Variants in UGT1A7 observed in about 807,000 individuals in gnomAD.
UGT1A7 encodes UDP glucuronosyltransferase family 1 member A7.
A neutral mutation model predicts 45.6 loss-of-function variants in UGT1A7; 33 were observed. The observed-to-expected ratio is 0.72, with a 90% confidence interval of 0.55 to 0.97. The LOEUF (loss-of-function observed/expected upper bound fraction) is 0.97. Among genes scored for constraint, UGT1A7 ranks in the 50% least tolerant of loss-of-function variants. The pLI is 0.00. For synonymous variants in UGT1A7, 274 were observed against 250.6 expected, an observed-to-expected ratio of 1.09 and a Z score of -0.88; for missense variants, 684 against 666.2, an observed-to-expected ratio of 1.03 and a Z score of -0.29.
rs745603293 is a variant in UGT1A7, at chr2:233,772,357, G to A, written c.1391G>A (p.Arg464Lys). Residue 464 changes from arginine (R) to lysine (K), a missense_variant, in exon 5 of 5, where the codon AGG becomes AAG. Coordinates refer to ENST00000373426, the MANE Select transcript of UGT1A7 (RefSeq NM_019077.3). ...LAVFWVEFVM[R>K]HKGAPHLRPA... The stretch of plus-strand genomic sequence containing the variant: ...GTGTTCTGGGTGGAGTTTGTGATGA[G>A]GCACAAGGGCGCGCCACACCTGCGC... The A allele has an allele frequency of 1.4e-5, 22 of 1,614,268 alleles. No individual in the cohort carries two copies. The highest frequency in any genetic ancestry group is 1.8e-5 in the Non-Finnish European group (21 of 1,180,054).
intron 1 of UGT1A7, among the ~76,000 whole-genome samples, chr2:233,703,968 G>A (rs1458834723): frequency 2.6e-5 from 4 of 151,690 alleles, no homozygotes; most frequent in Non-Finnish European, 2.9e-5. Context: ...TTGGCCCACT[G>A]CAACCTCCGC....
intron 1 of UGT1A7, chr2:233,743,605 G>A (rs376857469): frequency 9.1e-5 from 125 of 1,367,170 alleles, no homozygotes; most frequent in Middle Eastern, 2.1e-4. Context: ...CCTGGCCGCC[G>A]AAGAACTCCC....
At chr2:233,724,165 C>CT (rs1189702988) in intron 1 of UGT1A7, among the ~76,000 whole-genome samples, 2 of 112,674 alleles carry the variant, frequency 1.8e-5, no homozygotes, top group African/African-American at 8.4e-5. Context: ...GGGGGGCTGA[C>CT]CCCCCCATCT....
At chr2:233,692,957 G>A (rs776174489) in intron 1 of UGT1A7, 1 of 1,607,062 alleles carries the variant, frequency 6.2e-7, no homozygotes, top group Non-Finnish European at 8.5e-7. Context: ...CCTGTGATTT[G>A]GAGAGTGAAA....
At chr2:233,726,437 T>C (rs955428993) in intron 1 of UGT1A7, among the ~76,000 whole-genome samples, 7 of 152,238 alleles carry the variant, frequency 4.6e-5, no homozygotes, top group Non-Finnish European at 8.8e-5. Flanking sequence ...CTTAATCTTA[T>C]TCTTTCCACT....
intron 1 of UGT1A7, chr2:233,754,615 C>T (rs1360410521): frequency 2.3e-6 from 1 of 438,040 alleles, no homozygotes; most frequent in Non-Finnish European, 4.6e-6. Context: ...TCTCCATCTT[C>T]CTCCACTTCC....
intron 1 of UGT1A7, among the ~76,000 whole-genome samples, chr2:233,726,632 C>T (rs2077548155): frequency 6.6e-6 from 1 of 152,176 alleles, no homozygotes; most frequent in Admixed American, 6.5e-5. Flanking sequence ...CCAGGACAAT[C>T]TCCCCATCTT....
chr2:233,703,933 C>T (rs954391531), intron 1 of UGT1A7, among the ~76,000 whole-genome samples: 4 of 151,854 alleles, frequency 2.6e-5, no homozygotes, highest in Non-Finnish European at 5.9e-5. Context: ...TTCTGTTACC[C>T]AGACTGGAGT....
chr2:233,751,170 A>T (rs1445268336), intron 1 of UGT1A7, among the ~76,000 whole-genome samples: 1 of 151,986 alleles, frequency 6.6e-6, no homozygotes. Flanking sequence ...CATGACCTAG[A>T]TATGAGACAT....
intron 1 of UGT1A7, among the ~76,000 whole-genome samples, chr2:233,732,478 A>G (rs60103279): frequency 0.034 from 5,126 of 152,332 alleles, 101 homozygotes; most frequent in African/African-American, 0.051. Flanking sequence ...TCTGGAATTA[A>G]TTTTTGTATA....
chr2:233,694,002 A>G, intron 1 of UGT1A7: 1 of 1,487,164 alleles, frequency 6.7e-7, no homozygotes, highest in South Asian at 1.3e-5. Context: ...CCCGGCTCGG[A>G]GCAGCGGGAA....
At chr2:233,759,502 A>G (rs1487597943) in intron 1 of UGT1A7, among the ~76,000 whole-genome samples, 1 of 152,052 alleles carries the variant, frequency 6.6e-6, no homozygotes, top group Non-Finnish European at 1.5e-5. Flanking sequence ...GGTTCACACT[A>G]ATAAAGGCCT....
At chr2:233,726,812 C>T (rs1441076374) in intron 1 of UGT1A7, among the ~76,000 whole-genome samples, 1 of 152,118 alleles carries the variant, frequency 6.6e-6, no homozygotes, top group Non-Finnish European at 1.5e-5. Flanking sequence ...GGAGGTTTTC[C>T]TCTATTCGAC....
chr2:233,748,568 G>A (rs1374135931), intron 1 of UGT1A7, among the ~76,000 whole-genome samples: 1 of 151,846 alleles, frequency 6.6e-6, no homozygotes, highest in South Asian at 2.1e-4. Flanking sequence ...GGAAGTAGAA[G>A]TGTTAAAGAG....
In UGT1A7 at chr2:233,767,158, C is replaced by T; in HGVS notation, c.980C>T (p.Pro327Leu). ...MAIADALGKI[P>L]QTVLWRYTGT... Reference sequence around the variant, plus strand: ...ATTGCTGATGCTTTGGGCAAAATCCCTCAGACAGTAAGAAGATTCTATACC... The same window carrying T: ...ATTGCTGATGCTTTGGGCAAAATCCTTCAGACAGTAAGAAGATTCTATACC... Residue 327 changes from proline to leucine, a missense_variant, in exon 2 of 5, where the codon CCT (proline) becomes CTT (leucine). Transcript: ENST00000373426. The T allele has an allele frequency of 6.2e-7, 1 of 1,614,062 alleles. No individual in the cohort carries two copies. Among genetic ancestry groups the T allele is most frequent in the Non-Finnish European group, 8.5e-7 (1 of 1,179,998 alleles).
chr2:233,752,759 A>G (rs942722882), intron 1 of UGT1A7, among the ~76,000 whole-genome samples: 3 of 152,242 alleles, frequency 2.0e-5, no homozygotes, highest in African/African-American at 7.2e-5. Context: ...ACAAACAAAC[A>G]AACAAACAAA....
chr2:233,711,268 G>A (rs1198771284), intron 1 of UGT1A7, among the ~76,000 whole-genome samples: 2 of 152,206 alleles, frequency 1.3e-5, no homozygotes, highest in Non-Finnish European at 2.9e-5. Flanking sequence ...CCTCCCCAGG[G>A]TCTAGGAGTC....
intron 4 of UGT1A7, chr2:233,770,807 T>C (rs1273805727): frequency 2.6e-5 from 4 of 152,116 alleles, no homozygotes; most frequent in East Asian, 1.9e-4. Context: ...TTAAAGACAG[T>C]GTATTAGGCT....
At chr2:233,730,680 C>T (rs1218688522) in intron 1 of UGT1A7, among the ~76,000 whole-genome samples, 1 of 152,088 alleles carries the variant, frequency 6.6e-6, no homozygotes, top group African/African-American at 2.4e-5. Flanking sequence ...GTAATGGTTG[C>T]ATCTCAAATG....
Sources: gnomAD v4.1 joint callset for allele counts (sites outside exome capture counted in the v4.1 genomes callset) on GRCh38, gnomAD v4.1.1 for gene constraint, MANE v1.5 for transcripts, NCBI Gene and HGNC (gene_info 2026-07-23, HGNC 2026-07-21) for gene names.